Variants in BCOR observed in about 807,000 individuals in gnomAD.
BCOR encodes BCL6 corepressor, also known as BCL-6 corepressor.
In BCOR, 10 loss-of-function variants were observed where a neutral mutation model predicts 86.7. The observed-to-expected ratio is 0.12, with a 90% CI of 0.07 to 0.20. The LOEUF is 0.20. BCOR is among the 10% of genes least tolerant of loss of function. The pLI is 1.00. For missense variants in BCOR, 1,259 were observed against 1,452.1 expected (o/e 0.87, Z 2.16); for synonymous variants, 611 against 609.0 (o/e 1.00, Z -0.05).
Position 40,097,761 on chromosome X carries a change from TGCGCGGCGACA to T in BCOR, c.-598_-588del, listed in dbSNP as rs1475058284. ...GTGTGAGTGTTGGCCAAGTCGTCCC[TGCGCGGCGACA>T]GCGCGGCTTGGGCTCTCCGCCCGGC... On this transcript the variant is annotated 5_prime_UTR_variant, in exon 1 of 15. Transcript: ENST00000378444. 9.1e-6 allele frequency among the ~76,000 whole-genome samples: 1 copy of T among 110,484 alleles called. No individual in the cohort carries two copies. The highest frequency in any genetic ancestry group is 2.9e-4 in the East Asian group (1 of 3,427).
At chrX:40,062,044 T>G (rs1310315756) in intron 10 of BCOR, 95 bp downstream of exon 10, 7 of 1,079,789 alleles carry the variant, frequency 6.5e-6, no homozygotes, top group Non-Finnish European at 8.7e-6. Flanking sequence ...TGGAGGGGGC[T>G]GAGCTCTGCT....
intron 1 of BCOR, among the ~76,000 whole-genome samples, chrX:40,125,678 C>T (rs1255131041): frequency 8.9e-6 from 1 of 112,296 alleles, no homozygotes; most frequent in African/African-American, 3.2e-5. Flanking sequence ...ACAATCCATC[C>T]CTGCTGTACT....
intron 1 of BCOR, among the ~76,000 whole-genome samples, chrX:40,096,808 G>A (rs1414755858): frequency 1.8e-5 from 2 of 112,024 alleles, no homozygotes. Flanking sequence ...GCGAGCTAAC[G>A]CCGAACCCAG....
At position 40,074,890 on chromosome X, in the gene BCOR, C is replaced by T. The variant is rs764767261; in HGVS notation, c.456G>A (p.Pro152=). Residue 152 remains proline (P), a synonymous_variant, in exon 4 of 15, where the codon CCG becomes CCA. Transcript: ENST00000378444. ...CTACAGCACTTTTTTGTATTCCAGG[C>T]GGTGTTTTGTATATAGCACTGAAGC... ...PNGFSAIYKT[P]PGIQKSAVAT... 22 of 1,210,958 alleles carry T rather than the reference C, an allele frequency of 1.8e-5. No homozygotes were observed. Among genetic ancestry groups the T allele is most frequent in the Middle Eastern group, 2.3e-4 (1 of 4,356 alleles).
At chrX:40,123,816 T>C (rs1045805190) in intron 1 of BCOR, among the ~76,000 whole-genome samples, 5 of 110,468 alleles carry the variant, frequency 4.5e-5, no homozygotes, top group African/African-American at 1.7e-4. Flanking sequence ...TGTGTGTGTG[T>C]GTGTGCACGC....
chrX:40,060,248 CT>C (rs1180990484), intron 10 of BCOR, among the ~76,000 whole-genome samples: 1 of 112,484 alleles, frequency 8.9e-6, no homozygotes, highest in Non-Finnish European at 1.9e-5. Flanking sequence ...AAGCTTTCAT[CT>C]AGTAATTAAA....
intron 1 of BCOR, among the ~76,000 whole-genome samples, chrX:40,150,633 G>A (rs1278320766): frequency 2.6e-4 from 29 of 111,939 alleles, no homozygotes. Flanking sequence ...AACCATCACA[G>A]GAAAAGCAGA....
At chrX:40,158,430 G>C (rs775101734) in intron 1 of BCOR, among the ~76,000 whole-genome samples, 70 of 112,186 alleles carry the variant, frequency 6.2e-4, no homozygotes, top group African/African-American at 2.2e-3. Flanking sequence ...CCGGGCTGCC[G>C]GGGGGCGCTC....
rs2147014060 is a variant in BCOR, at chrX:40,062,340, C to T, written c.4227G>A (p.Leu1409=). ...GCTTTGGCTCCTGCTTGGCTGGTGA[C>T]AGATCATAGTCCGAACTGGGCTCCG... ...KRPEPSSDYD[L]SPAKQEPKPF... The change falls in exon 10 of 15, where the codon CTG becomes CTA. Residue 1409 remains leucine, a synonymous_variant. Transcript: ENST00000378444. 1 of 1,207,816 alleles carries T rather than the reference C, an allele frequency of 8.3e-7. No individual in the cohort carries two copies. Among genetic ancestry groups the T allele is most frequent in the Admixed American group, 2.2e-5 (1 of 45,647 alleles).
At chrX:40,091,586 C>T (rs1306422022) in intron 1 of BCOR, among the ~76,000 whole-genome samples, 2 of 113,076 alleles carry the variant, frequency 1.8e-5, no homozygotes, top group Non-Finnish European at 3.7e-5. Flanking sequence ...TAATGAACTC[C>T]ACCCAACAAA....
chrX:40,102,267 C>G (rs773649562), upstream of BCOR, among the ~76,000 whole-genome samples: 1 of 113,039 alleles, frequency 8.8e-6, no homozygotes, highest in East Asian at 2.8e-4. Flanking sequence ...TAGCAACCAT[C>G]TTGGAATTTC....
At position 40,052,050 on chromosome X, in the gene BCOR, T is replaced by C; in HGVS notation, c.*59A>G. ...TTTCTTTACAGAAATAGTTGTATTA[T>C]GACACATATGCACAAGGATTAACAC... On this transcript the variant is annotated 3_prime_UTR_variant, in exon 15 of 15. Transcript: ENST00000378444. 2.0e-6 allele frequency: 2 copies of C among 996,487 alleles called. No individual in the cohort carries two copies. The highest frequency in any genetic ancestry group is 2.7e-6 in the Non-Finnish European group (2 of 744,641). The allele number at this position is 996,487 out of a possible 1,213,427, so 82.1% of individuals were successfully genotyped here.
chrX:40,053,036 G>A (rs753246433), intron 14 of BCOR, among the ~76,000 whole-genome samples: 1 of 111,258 alleles, frequency 9.0e-6, no homozygotes, highest in Admixed American at 9.5e-5. Context: ...CTATCCAAGT[G>A]CCCTGCTATC....
At chrX:40,155,697 G>A (rs1367903938) in intron 1 of BCOR, among the ~76,000 whole-genome samples, 1 of 112,859 alleles carries the variant, frequency 8.9e-6, no homozygotes, top group Non-Finnish European at 1.9e-5. Context: ...GGTGTCTGAA[G>A]ACGCTGCTGC....
At chrX:40,070,187 A>G (rs1368403654) in intron 6 of BCOR, among the ~76,000 whole-genome samples, 1 of 111,988 alleles carries the variant, frequency 8.9e-6, no homozygotes, top group Non-Finnish European at 1.9e-5. Context: ...TCCTCCAGTT[A>G]GTTCACCCAG....
chrX:40,155,507 G>A (rs1359797931), intron 1 of BCOR, among the ~76,000 whole-genome samples: 7 of 110,685 alleles, frequency 6.3e-5, no homozygotes, highest in African/African-American at 2.3e-4. Context: ...GAGGAAGTGG[G>A]AGAGGCGTCC....
chrX:40,091,913 C>T (rs1164675318), intron 1 of BCOR, among the ~76,000 whole-genome samples: 1 of 113,159 alleles, frequency 8.8e-6, no homozygotes, highest in East Asian at 2.8e-4. Context: ...CCACCGGGCC[C>T]GATCCAGAAG....
rs1329620961 is a variant in BCOR at position 40,052,366 on chromosome X, T to G, written c.5011A>C (p.Lys1671Gln). 5 of 1,210,964 alleles carry G rather than the reference T, an allele frequency of 4.1e-6. No individual in the cohort carries two copies. Among genetic ancestry groups the G allele is most frequent in the Admixed American group, 2.2e-5 (1 of 45,960 alleles). Residue 1671 changes from lysine (K) to glutamine (Q), a missense_variant, in exon 15 of 15, where the codon AAG becomes CAG. Transcript: ENST00000378444. Reference protein sequence around the residue: ...RNWLLLSDVLKKLKMSSRIFR... With the variant: ...RNWLLLSDVLQKLKMSSRIFR... ...ATGCGGGAGGACATTTTCAATTTCT[T>G]AAGGACATCCGAAAGCAGTAGCCAG...
chrX:40,168,198 TTTTC>T (rs1938543772), intron 1 of BCOR, among the ~76,000 whole-genome samples: 1 of 113,195 alleles, frequency 8.8e-6, no homozygotes, highest in African/African-American at 3.2e-5. Context: ...AGACCCTTTC[TTTTC>T]TTCCGTCCTT....
Sources: gnomAD v4.1 joint callset for allele counts (sites outside exome capture counted in the v4.1 genomes callset) on GRCh38, gnomAD v4.1.1 for gene constraint, MANE v1.5 for transcripts, NCBI Gene and HGNC (gene_info 2026-07-23, HGNC 2026-07-21) for gene names.